The following LRRC4C variants were observed in gnomAD, a reference collection of about 807,000 sequenced individuals.
LRRC4C encodes the protein leucine-rich repeat-containing protein 4C.
A neutral mutation model predicts 33.6 loss-of-function variants in LRRC4C; 5 were observed. The ratio of observed to expected loss-of-function variants is 0.15; its 90% CI spans 0.08 to 0.31. LRRC4C has a LOEUF of 0.31. Among genes scored for constraint, LRRC4C ranks in the 10% least tolerant of loss-of-function variants. The pLI, the probability that LRRC4C is intolerant of heterozygous loss-of-function variation, is 1.00. For missense variants in LRRC4C, 560 were observed against 796.7 expected (o/e 0.70, Z 3.58); for synonymous variants, 329 against 302.0 (o/e 1.09, Z -0.93).
intron 2 of LRRC4C, among the ~76,000 whole-genome samples, chr11:40,724,080 A>G (rs7125732): frequency 0.042 from 6,445 of 151,924 alleles, 455 homozygotes; most frequent in African/African-American, 0.15. Context: ...AAATATATAC[A>G]CAACCAATAT....
intron 3 of LRRC4C, among the ~76,000 whole-genome samples, chr11:40,570,070 A>T (rs1957921738): frequency 6.6e-6 from 1 of 152,038 alleles, no homozygotes; most frequent in South Asian, 2.1e-4. Flanking sequence ...ATATATGAGT[A>T]TATACATAAA....
At chr11:40,644,169 A>G (rs1430702705) in intron 3 of LRRC4C, among the ~76,000 whole-genome samples, 3 of 152,190 alleles carry the variant, frequency 2.0e-5, no homozygotes, top group Non-Finnish European at 4.4e-5. Context: ...AAAAATAAAG[A>G]AGATAAACTT....
chr11:40,754,699 T>C (rs1948860248), intron 2 of LRRC4C, among the ~76,000 whole-genome samples: 1 of 152,138 alleles, frequency 6.6e-6, no homozygotes, highest in Non-Finnish European at 1.5e-5. Flanking sequence ...CAAAGCAGTA[T>C]CTTAAGAGTC....
chr11:40,738,258 C>T (rs2136873796), intron 2 of LRRC4C, among the ~76,000 whole-genome samples: 1 of 152,258 alleles, frequency 6.6e-6, no homozygotes, highest in East Asian at 1.9e-4. Flanking sequence ...GACCTAGCTC[C>T]TCTTTTTCTG....
intron 3 of LRRC4C, among the ~76,000 whole-genome samples, chr11:40,479,332 G>C (rs1953417647): frequency 6.6e-6 from 1 of 152,250 alleles, no homozygotes; most frequent in Admixed American, 6.5e-5. Flanking sequence ...AAGGTCTGCT[G>C]TGTACTGGGT....
rs953854738 is a variant in LRRC4C at position 41,252,821 on chromosome 11, G to A, written c.-496+206610C>T. ...ATCTTACATGGCAGCAGGCAAGAGA[G>A]CTTGCACAGGGGAACTCCCTTTATA... On this transcript the variant is annotated intron_variant, in intron 1 of 6. Transcript: ENST00000528697. Among the ~76,000 whole-genome samples the A allele has an allele frequency of 3.9e-5, 6 of 152,092 alleles. No individual in the cohort carries two copies. The East Asian group carries it at 9.7e-4, about 25-fold the overall frequency.
At chr11:41,016,193 T>C (rs1388663922) in intron 1 of LRRC4C, among the ~76,000 whole-genome samples, 1 of 152,142 alleles carries the variant, frequency 6.6e-6, no homozygotes, top group Non-Finnish European at 1.5e-5. Flanking sequence ...AGCATTCTCT[T>C]CAGGACAGTT....
At chr11:40,150,270 C>T (rs1290685966) in intron 5 of LRRC4C, among the ~76,000 whole-genome samples, 1 of 152,192 alleles carries the variant, frequency 6.6e-6, no homozygotes, top group African/African-American at 2.4e-5. Flanking sequence ...TACACAAAGA[C>T]TGTTTTTTCC....
chr11:41,208,432 G>A (rs1946686550), intron 1 of LRRC4C, among the ~76,000 whole-genome samples: 2 of 152,164 alleles, frequency 1.3e-5, no homozygotes, highest in Admixed American at 1.3e-4. Context: ...GCCAAAAAAT[G>A]AGAAAGTGTG....
intron 3 of LRRC4C, among the ~76,000 whole-genome samples, chr11:40,605,632 A>G (rs1960501417): frequency 1.3e-5 from 2 of 152,160 alleles, no homozygotes; most frequent in Non-Finnish European, 2.9e-5. Flanking sequence ...AGACAGAAAC[A>G]TATGCCCATT....
At chr11:41,411,871 T>C (rs1267357534) in intron 1 of LRRC4C, among the ~76,000 whole-genome samples, 1 of 152,224 alleles carries the variant, frequency 6.6e-6, no homozygotes, top group Admixed American at 6.5e-5. Context: ...CACCTTGTGA[T>C]GCAATGGAGT....
chr11:40,303,754 T>C (rs1449406115), intron 4 of LRRC4C, among the ~76,000 whole-genome samples: 2 of 152,210 alleles, frequency 1.3e-5, no homozygotes, highest in Non-Finnish European at 2.9e-5. Flanking sequence ...ATGTTCACTT[T>C]AAGGACATAA....
intron 1 of LRRC4C, among the ~76,000 whole-genome samples, chr11:41,396,645 GT>G (rs1285130290): frequency 6.6e-6 from 1 of 151,952 alleles, no homozygotes; most frequent in Non-Finnish European, 1.5e-5. Context: ...AAATGTGCAG[GT>G]TTGTTATACA....
chr11:40,689,233 C>G (rs188285719), intron 2 of LRRC4C, among the ~76,000 whole-genome samples: 1 of 151,944 alleles, frequency 6.6e-6, no homozygotes, highest in Non-Finnish European at 1.5e-5. Flanking sequence ...ATCTGTACTA[C>G]GAATGTTCAC....
At chr11:41,371,291 T>C (rs1351664114) in intron 1 of LRRC4C, among the ~76,000 whole-genome samples, 1 of 152,168 alleles carries the variant, frequency 6.6e-6, no homozygotes, top group Non-Finnish European at 1.5e-5. Flanking sequence ...CTTAGACCGA[T>C]AGGAAGACAG....
At chr11:40,176,972 C>T (rs1350150214) in intron 5 of LRRC4C, among the ~76,000 whole-genome samples, 11 of 106,868 alleles carry the variant, frequency 1.0e-4, no homozygotes, top group South Asian at 3.4e-4. Flanking sequence ...CTCGCTCTGT[C>T]GCCCAGGCTG....
chr11:40,323,554 T>C (rs1452483), intron 3 of LRRC4C, among the ~76,000 whole-genome samples: 143,387 of 152,234 alleles, frequency 0.94, 68,149 homozygotes, highest in East Asian at 1. Flanking sequence ...CAGGGAATAA[T>C]GTTGGCCCTA....
intron 6 of LRRC4C, among the ~76,000 whole-genome samples, chr11:40,124,984 T>A (rs1021809440): frequency 2.0e-5 from 3 of 151,414 alleles, no homozygotes; most frequent in Admixed American, 6.6e-5. Context: ...TATATATATA[T>A]AAATAAATTC....
intron 2 of LRRC4C, among the ~76,000 whole-genome samples, chr11:40,823,606 C>A (rs1430316470): frequency 6.6e-6 from 1 of 151,724 alleles, no homozygotes. Context: ...TGTTCAGCAT[C>A]TTTTATCATT....
Sources: allele counts gnomAD v4.1 joint callset (sites outside exome capture counted in the v4.1 genomes callset), GRCh38; gene constraint gnomAD v4.1.1; transcripts MANE v1.5; gene names NCBI Gene and HGNC (gene_info 2026-07-23, HGNC 2026-07-21).